Variants in MPHOSPH9 observed in about 807,000 individuals in gnomAD.
The protein encoded by MPHOSPH9 is M-phase phosphoprotein 9.
Under a neutral mutation model 145.5 loss-of-function variants are expected in MPHOSPH9, and 88 were observed. The observed-to-expected ratio is 0.60, with a 90% confidence interval of 0.51 to 0.72. The LOEUF (loss-of-function observed/expected upper bound fraction) is 0.72. Among genes scored for constraint, MPHOSPH9 ranks in the 30% least tolerant of loss-of-function variants. MPHOSPH9 has a pLI of 0.00. For missense variants in MPHOSPH9, 1,238 were observed against 1,386.6 expected (o/e 0.89, Z 1.70); for synonymous variants, 435 against 486.2 (o/e 0.89, Z 1.39).
At chr12:123,219,552 CAAA>C (rs778997410) in intron 5 of MPHOSPH9, among the ~76,000 whole-genome samples, 7 of 49,930 alleles carry the variant, frequency 1.4e-4, no homozygotes, top group Non-Finnish European at 1.3e-4. Flanking sequence ...GACTCTGTCT[CAAA>C]AAAAAAAAAA....
At chr12:123,202,107 T>C (rs1266634805) in intron 11 of MPHOSPH9, 57 bp downstream of exon 11, 2 of 1,470,548 alleles carry the variant, frequency 1.4e-6, no homozygotes, top group East Asian at 2.4e-5. Flanking sequence ...ATTATACTTC[T>C]GTGAAAATAA....
At chr12:123,222,788 T>G (rs547629115) in intron 4 of MPHOSPH9, among the ~76,000 whole-genome samples, 2 of 152,036 alleles carry the variant, frequency 1.3e-5, no homozygotes, top group East Asian at 3.9e-4. Context: ...ATACCAAAAT[T>G]AGCTGGGCGT....
chr12:123,230,142 T>C (rs60077920), intron 2 of MPHOSPH9, 119 bp downstream of exon 2: 31,785 of 641,152 alleles, frequency 0.05, 1,569 homozygotes, highest in East Asian at 0.25. Flanking sequence ...TTCTTGATGA[T>C]AGGTTAAAAA....
intron 6 of MPHOSPH9, 148 bp from the exon 7 acceptor site, chr12:123,214,982 G>A (rs1028786630): frequency 1.4e-5 from 9 of 642,342 alleles, no homozygotes; most frequent in Non-Finnish European, 2.2e-5. Flanking sequence ...GATAGCTCAC[G>A]CCTATGATCC....
At chr12:123,242,595 T>A (rs2047958321) in intron 1 of MPHOSPH9, among the ~76,000 whole-genome samples, 1 of 152,204 alleles carries the variant, frequency 6.6e-6, no homozygotes, top group African/African-American at 2.4e-5. Flanking sequence ...TCTGATTGGC[T>A]GTTGGAATTA....
At chr12:123,162,275 C>T (rs769449324) in intron 20 of MPHOSPH9, 57 bp from the exon 21 acceptor site, 37 of 922,158 alleles carry the variant, frequency 4.0e-5, no homozygotes, top group Non-Finnish European at 5.2e-5. Flanking sequence ...TTTTCCCTAT[C>T]TCCACTACAA....
intron 1 of MPHOSPH9, among the ~76,000 whole-genome samples, chr12:123,232,391 A>T (rs182367339): frequency 6.6e-6 from 1 of 152,136 alleles, no homozygotes; most frequent in Non-Finnish European, 1.5e-5. Context: ...AAATTTTTTT[A>T]ACTTGATACA....
At chr12:123,163,242 C>G (rs570388319) in intron 19 of MPHOSPH9, 108 bp from the exon 20 acceptor site, 1 of 1,195,816 alleles carries the variant, frequency 8.4e-7, no homozygotes, top group Admixed American at 3.5e-5. Flanking sequence ...ATAATTTCAA[C>G]GTAAAACTTT....
rs766034457 is a variant in MPHOSPH9 at position 123,162,166 on chromosome 12, G to A, written c.3082C>T (p.Arg1028Cys). Residue 1028 changes from arginine to cysteine, a missense_variant, in exon 21 of 24, where the codon CGT (arginine) becomes TGT (cysteine). By Grantham distance (180) the Arg-to-Cys change is radical. Transcript: ENST00000606320. ...LDTVPVSTLQ[R>C]TNPRKQLQFL... Reference sequence around the variant, plus strand: ...TGGAGTTGCTTTCTTGGATTGGTACGTTGTAATGTAGACACAGGAACAGTA... The same window carrying A: ...TGGAGTTGCTTTCTTGGATTGGTACATTGTAATGTAGACACAGGAACAGTA... 6.9e-6 allele frequency: 11 copies of A among 1,590,320 alleles called. No homozygotes were observed. The highest frequency in any genetic ancestry group is 8.6e-6 in the Non-Finnish European group (10 of 1,166,848).
At position 123,202,375 on chromosome 12, in the gene MPHOSPH9, C is replaced by G. The variant is rs1330365544; in HGVS notation, c.1782-56G>C. The G allele has an allele frequency of 2.0e-6, 3 of 1,497,766 alleles. No homozygotes were observed. The African/African-American group carries it at 4.2e-5, about 21-fold the overall frequency. 92.8% of individuals were successfully genotyped at this position (1,497,766 alleles called of 1,614,324 possible). A position where few individuals can be genotyped will look rare whatever the true frequency, so the allele number is the denominator to read the frequency against. ...AGGAAAGCTATCTTCAGTCTCCATCCCACAAGAGAAACCAAGAACACAATG... is the reference window on the plus strand; with the variant it reads ...AGGAAAGCTATCTTCAGTCTCCATCGCACAAGAGAAACCAAGAACACAATG... On this transcript the variant is annotated intron_variant, in intron 10 of 23. Transcript: ENST00000606320.
At position 123,161,366 on chromosome 12, in the gene MPHOSPH9, T is replaced by C; in HGVS notation, c.3151A>G (p.Lys1051Glu). 6.2e-7 allele frequency: 1 copy of C among 1,614,104 alleles called. No individual in the cohort carries two copies. Among genetic ancestry groups the C allele is most frequent in the Non-Finnish European group, 8.5e-7 (1 of 1,179,992 alleles). The change falls in exon 22 of 24, where the codon AAA becomes GAA. Residue 1051 changes from lysine to glutamate, a missense_variant. Transcript: ENST00000606320. Reference protein sequence around the residue: ...DDSEEKTYSEKATDNHVNHSS... With the variant: ...DDSEEKTYSEEATDNHVNHSS... ...TGATTAACATGGTTATCGGTGGCTT[T>C]CTCAGAATAAGTTTTTTCTGTCAGA...
At chr12:123,167,279 G>A (rs754793563) in intron 16 of MPHOSPH9, among the ~76,000 whole-genome samples, 3 of 152,078 alleles carry the variant, frequency 2.0e-5, no homozygotes, top group Non-Finnish European at 4.4e-5. Context: ...ATTATAAAAC[G>A]TTAATTTTAA....
intron 14 of MPHOSPH9, among the ~76,000 whole-genome samples, chr12:123,180,554 G>A (rs1230061636): frequency 6.6e-6 from 1 of 152,164 alleles, no homozygotes; most frequent in Non-Finnish European, 1.5e-5. Context: ...AGCTAATGCA[G>A]TGAAAATCAA....
At chr12:123,190,216 T>A (rs1203678193) in intron 13 of MPHOSPH9, among the ~76,000 whole-genome samples, 1 of 151,236 alleles carries the variant, frequency 6.6e-6, no homozygotes, top group East Asian at 2.0e-4. Flanking sequence ...GCAGTGGCGC[T>A]ACCTCAGCTC....
chr12:123,202,677 A>G lies in MPHOSPH9; in HGVS notation c.1728T>C (p.Ser576=), dbSNP rs2046272433. The change falls in exon 10 of 24, where the codon AGT becomes AGC. Residue 576 remains serine, a synonymous_variant. Transcript: ENST00000606320. ...SQSQLPGTAN[S]VPECISLTSL... ...AAGTCAATGAAATGCATTCTGGGAC[A>G]CTGTTGGCTGTACCTGGAAGCTGGG... 6.2e-7 allele frequency: 1 copy of G among 1,614,166 alleles called. No individual in the cohort carries two copies. The highest frequency in any genetic ancestry group is 8.5e-7 in the Non-Finnish European group (1 of 1,180,018).
intron 14 of MPHOSPH9, 64 bp downstream of exon 14, chr12:123,181,099 T>C: frequency 1.4e-6 from 2 of 1,467,668 alleles, no homozygotes; most frequent in Non-Finnish European, 9.6e-7. Context: ...GTCAGATCCC[T>C]TGATTCCCAA....
chr12:123,164,437 CG>C (rs2044228763), intron 18 of MPHOSPH9, among the ~76,000 whole-genome samples: 1 of 151,960 alleles, frequency 6.6e-6, no homozygotes, highest in Admixed American at 6.6e-5. Context: ...GAGATGTAAC[CG>C]CAAAGACGCT....
At chr12:123,202,374 C>A in intron 10 of MPHOSPH9, 55 bp from the exon 11 acceptor site, 2 of 1,499,306 alleles carry the variant, frequency 1.3e-6, no homozygotes, top group Non-Finnish European at 8.9e-7. Context: ...CAGTCTCCAT[C>A]CCACAAGAGA....
intron 12 of MPHOSPH9, among the ~76,000 whole-genome samples, chr12:123,196,617 T>TG (rs2045959088): frequency 1.3e-5 from 2 of 152,036 alleles, no homozygotes; most frequent in South Asian, 4.2e-4. Flanking sequence ...TGGTAATGCG[T>TG]GGGGAAAAAA....
Sources: gnomAD v4.1 joint callset for allele counts (sites outside exome capture counted in the v4.1 genomes callset) on GRCh38, gnomAD v4.1.1 for gene constraint, MANE v1.5 for transcripts, NCBI Gene and HGNC (gene_info 2026-07-23, HGNC 2026-07-21) for gene names.